The following CDH18 variants were observed in gnomAD, a reference collection of about 807,000 sequenced individuals.
CDH18 encodes the protein cadherin 18.
A neutral mutation model predicts 67.9 loss-of-function variants in CDH18; 31 were observed. That is an observed-to-expected ratio of 0.46 (90% confidence interval 0.34 to 0.62). The LOEUF (loss-of-function observed/expected upper bound fraction) is 0.62, where lower values mean the gene tolerates loss of function less well. Among genes scored for constraint, CDH18 ranks in the 20% least tolerant of loss-of-function variants. CDH18 has a pLI of 0.01. For synonymous variants in CDH18, 362 were observed against 347.2 expected (o/e 1.04, Z -0.48); for missense variants, 890 against 975.5 (o/e 0.91, Z 1.17).
At chr5:20,035,212 AT>A (rs542485561) in intron 2 of CDH18, among the ~76,000 whole-genome samples, 3 of 152,076 alleles carry the variant, frequency 2.0e-5, no homozygotes, top group Non-Finnish European at 2.9e-5. Context: ...AAATTTGGGG[AT>A]TTTTTTATGA....
chr5:20,092,056 C>T (rs4377707), intron 2 of CDH18, among the ~76,000 whole-genome samples: 151,245 of 152,288 alleles, frequency 0.99, 75,118 homozygotes, highest in Middle Eastern at 1. Context: ...AGTGCTGTCA[C>T]GGGATTTCAT....
chr5:19,511,530 A>G (rs543352699), intron 10 of CDH18, among the ~76,000 whole-genome samples: 28 of 152,274 alleles, frequency 1.8e-4, no homozygotes, highest in African/African-American at 6.7e-4. Flanking sequence ...ATCTAAAATG[A>G]AGTCCAGGCT....
chr5:19,493,399 T>G (rs1416261644), intron 11 of CDH18, among the ~76,000 whole-genome samples: 1 of 152,134 alleles, frequency 6.6e-6, no homozygotes, highest in African/African-American at 2.4e-5. Context: ...TTAAGAACTG[T>G]CTACAGAATT....
chr5:19,964,141 C>T (rs1342806816), intron 2 of CDH18, among the ~76,000 whole-genome samples: 1 of 152,000 alleles, frequency 6.6e-6, no homozygotes, highest in Non-Finnish European at 1.5e-5. Flanking sequence ...TTTATGAAGT[C>T]TATCATTTGA....
intron 8 of CDH18, among the ~76,000 whole-genome samples, chr5:19,566,470 T>G (rs2149909621): frequency 6.6e-6 from 1 of 152,272 alleles, no homozygotes; most frequent in African/African-American, 2.4e-5. Context: ...GTTTAATGGA[T>G]TCACACGTGG....
intron 1 of CDH18, among the ~76,000 whole-genome samples, chr5:20,395,770 A>G (rs1176518653): frequency 3.9e-5 from 6 of 152,090 alleles, no homozygotes; most frequent in Non-Finnish European, 8.8e-5. Context: ...AGGGAAATCA[A>G]CCATATGATT....
intron 2 of CDH18, among the ~76,000 whole-genome samples, chr5:19,947,896 T>C (rs959244371): frequency 1.3e-5 from 2 of 152,200 alleles, no homozygotes; most frequent in Non-Finnish European, 2.9e-5. Flanking sequence ...AAGGGTTTTA[T>C]GTAGAATATA....
In CDH18 at chr5:19,571,802, T is replaced by C; in HGVS notation, c.1030A>G (p.Thr344Ala). 6.2e-7 allele frequency: 1 copy of C among 1,613,466 alleles called. No individual in the cohort carries two copies. The highest frequency in any genetic ancestry group is 1.7e-5 in the Admixed American group (1 of 60,002). The part of the protein sequence containing the change: ...PLNYEKKKSY[T>A]LNIEGANTHL... ...GTATTTGCTCCTTCTATGTTGAGGG[T>C]ATATGACTTCTTTTTCTCATAGTTC... The change falls in exon 8 of 13, where the codon ACC becomes GCC. Residue 344 changes from threonine (T) to alanine (A), a missense_variant. Transcript: ENST00000382275.
At chr5:19,817,342 T>A (rs550083050) in intron 3 of CDH18, among the ~76,000 whole-genome samples, 1 of 152,082 alleles carries the variant, frequency 6.6e-6, no homozygotes, top group East Asian at 1.9e-4. Flanking sequence ...CTTACTTATC[T>A]TTGAATCGGA....
chr5:20,191,295 C>T (rs1738517313), intron 2 of CDH18, among the ~76,000 whole-genome samples: 1 of 152,056 alleles, frequency 6.6e-6, no homozygotes, highest in Admixed American at 6.6e-5. Flanking sequence ...CTATCAAAGA[C>T]CTTTCTTTAA....
At chr5:19,696,523 G>A (rs192750746) in intron 5 of CDH18, among the ~76,000 whole-genome samples, 19 of 151,112 alleles carry the variant, frequency 1.3e-4, no homozygotes, top group East Asian at 3.9e-4. Context: ...GTGACAGAGC[G>A]AGACTCCATC....
intron 2 of CDH18, among the ~76,000 whole-genome samples, chr5:20,088,745 T>G (rs1745183885): frequency 6.6e-6 from 1 of 152,216 alleles, no homozygotes; most frequent in Non-Finnish European, 1.5e-5. Flanking sequence ...CTATATTTTG[T>G]AGCTGAAAGC....
At chr5:19,858,400 T>C (rs1236318619) in intron 2 of CDH18, among the ~76,000 whole-genome samples, 1 of 151,866 alleles carries the variant, frequency 6.6e-6, no homozygotes, top group East Asian at 1.9e-4. Context: ...TGCAAAGGGA[T>C]GTCTAGGTTT....
chr5:19,904,643 G>A (rs558618105), intron 2 of CDH18, among the ~76,000 whole-genome samples: 1 of 152,218 alleles, frequency 6.6e-6, no homozygotes, highest in South Asian at 2.1e-4. Context: ...ACATAAACTT[G>A]GCTAAATGAC....
At chr5:19,994,910 T>A (rs1326002322) in intron 2 of CDH18, among the ~76,000 whole-genome samples, 2 of 132,474 alleles carry the variant, frequency 1.5e-5, no homozygotes, top group South Asian at 2.6e-4. Flanking sequence ...AAAAAGCTCA[T>A]GCAATTACGG....
chr5:20,269,771 A>C (rs879830860), intron 1 of CDH18, among the ~76,000 whole-genome samples: 1 of 152,122 alleles, frequency 6.6e-6, no homozygotes, highest in Non-Finnish European at 1.5e-5. Context: ...AATGGGTACA[A>C]TGCACATTAT....
At chr5:20,211,391 A>G (rs1740342685) in intron 2 of CDH18, among the ~76,000 whole-genome samples, 1 of 152,144 alleles carries the variant, frequency 6.6e-6, no homozygotes, top group Non-Finnish European at 1.5e-5. Context: ...TGAAGAGAGT[A>G]GTGGTTCTCC....
intron 2 of CDH18, among the ~76,000 whole-genome samples, chr5:20,044,481 A>G (rs2150478724): frequency 6.6e-6 from 1 of 152,270 alleles, no homozygotes; most frequent in East Asian, 1.9e-4. Context: ...ATTCAGTTCT[A>G]CTATGCTAAT....
intron 1 of CDH18, among the ~76,000 whole-genome samples, chr5:20,503,323 T>A (rs1011914221): frequency 6.6e-6 from 1 of 152,048 alleles, no homozygotes; most frequent in Non-Finnish European, 1.5e-5. Flanking sequence ...AACCCACTAA[T>A]TGAGGCTCTT....
Sources: allele counts gnomAD v4.1 joint callset (sites outside exome capture counted in the v4.1 genomes callset), GRCh38; gene constraint gnomAD v4.1.1; transcripts MANE v1.5; gene names NCBI Gene and HGNC (gene_info 2026-07-23, HGNC 2026-07-21).